The following CST3 variants were observed in gnomAD, a reference collection of about 807,000 sequenced individuals.
CST3 encodes the protein cystatin C.
A neutral mutation model predicts 9.0 loss-of-function variants in CST3; 14 were observed. That is an observed-to-expected ratio of 1.56 (90% CI 1.03 to 2.44). The LOEUF (loss-of-function observed/expected upper bound fraction) is 2.44. Among genes scored for constraint, CST3 ranks in the 30% most tolerant of loss-of-function variants. The pLI, the probability that CST3 is intolerant of heterozygous loss-of-function variation, is 0.00. For synonymous variants in CST3, 96 were observed against 90.2 expected (o/e 1.06, Z -0.37); for missense variants, 237 against 204.3 (o/e 1.16, Z -0.98).
chr20:23,636,753 C>G (rs1316020495), intron 1 of CST3, among the ~76,000 whole-genome samples: 1 of 152,154 alleles, frequency 6.6e-6, no homozygotes, highest in Non-Finnish European at 1.5e-5. Flanking sequence ...TGGCACAGAC[C>G]CAGCTGCTGC....
chr20:23,634,836 C>T (rs569843253), intron 2 of CST3, among the ~76,000 whole-genome samples: 4 of 152,254 alleles, frequency 2.6e-5, no homozygotes, highest in East Asian at 1.9e-4. Context: ...TTCACCCATA[C>T]GGATCTATGC....
In CST3 at chr20:23,637,659, G is replaced by C; in HGVS notation, c.204C>G (p.Tyr68Ter). The stretch of plus-strand genomic sequence containing the variant: ...GCACCACCTGCAGCGCGCGGCTGTG[G>C]TACATGTCGTTGCTGGCTTTGTTGT... ...GEYNKASNDM[Y>*]HSRALQVVRA... Residue 68 changes from tyrosine to a stop codon, truncating the protein, a stop_gained, in exon 1 of 3, where the codon TAC (tyrosine) becomes TAG (stop). Coordinates refer to ENST00000376925, the MANE Select transcript of CST3 (RefSeq NM_000099.4). LOFTEE classifies it high-confidence loss of function. The C allele has an allele frequency of 6.5e-7, 1 of 1,534,034 alleles. No individual in the cohort carries two copies. The highest frequency in any genetic ancestry group is 8.8e-7 in the Non-Finnish European group (1 of 1,141,108).
chr20:23,629,840 TG>T (rs1278083778), downstream of CST3, among the ~76,000 whole-genome samples: 9 of 151,902 alleles, frequency 5.9e-5, no homozygotes, highest in African/African-American at 2.2e-4. Context: ...TTTGAGGAAG[TG>T]GGGGTTACTG....
intron 1 of CST3, among the ~76,000 whole-genome samples, chr20:23,635,805 G>A (rs371895359): frequency 6.6e-6 from 1 of 152,194 alleles, no homozygotes; most frequent in East Asian, 1.9e-4. Flanking sequence ...TGATGTTTTA[G>A]GCCAATAAAC....
downstream of CST3, chr20:23,633,627 C>T (rs1005533097): frequency 1.7e-4 from 96 of 569,424 alleles, no homozygotes; most frequent in Non-Finnish European, 6.9e-5. Flanking sequence ...CCTGTGTGCA[C>T]ATCCCCAGAC....
At chr20:23,629,578 C>T (rs899824895), downstream of CST3, 8 of 152,212 alleles carry the variant, frequency 5.3e-5, no homozygotes, top group African/African-American at 1.9e-4. Context: ...TTTATAAGCA[C>T]CTTGATGGGT....
Position 23,637,830 on chromosome 20 carries a change from C to G in CST3, c.33G>C (p.Leu11=), listed in dbSNP as rs758298115. 2.2e-5 allele frequency: 32 copies of G among 1,478,494 alleles called. 1 individual carries two copies. In the East Asian group the frequency reaches 8.8e-4, roughly 41 times the overall value. The allele number at this position is 1,478,494 out of a possible 1,614,324, so 91.6% of individuals were successfully genotyped here. The change falls in exon 1 of 3, where the codon CTG becomes CTC. Residue 11 remains leucine (L), a synonymous_variant. Transcript: ENST00000376925. MAGPLRAPLL[L]LAILAVALAV... ...CCAGGGCCACGGCCAGGATGGCCAG[C>G]AGGAGCAGCGGGGCGCGCAGGGGCC...
downstream of CST3, chr20:23,633,637 C>G (rs1185488815): frequency 3.4e-6 from 2 of 580,502 alleles, no homozygotes; most frequent in African/African-American, 3.7e-5. Flanking sequence ...CATCCCCAGA[C>G]AGCCAAGAAC....
downstream of CST3, among the ~76,000 whole-genome samples, chr20:23,631,500 G>C (rs149895391): frequency 6.6e-6 from 1 of 152,180 alleles, no homozygotes; most frequent in Non-Finnish European, 1.5e-5. Flanking sequence ...CGCAGGACAC[G>C]GCTTCTGTTC....
chr20:23,635,478 A>T, intron 1 of CST3, 111 bp from the exon 2 acceptor site: 1 of 922,138 alleles, frequency 1.1e-6, no homozygotes, highest in Non-Finnish European at 1.7e-6. Context: ...CTTCAAGCCT[A>T]CCTTCATGAG....
chr20:23,636,636 G>A (rs1364808942), intron 1 of CST3, among the ~76,000 whole-genome samples: 22 of 152,160 alleles, frequency 1.4e-4, no homozygotes, highest in Admixed American at 1.3e-3. Context: ...ATTCTGGGAG[G>A]AGGATGAGCC....
exon 4 of CST3, chr20:23,627,678 A>G (rs1009551317): frequency 6.6e-6 from 1 of 152,106 alleles, no homozygotes; most frequent in Non-Finnish European, 1.5e-5. Flanking sequence ...AAAGATTCCA[A>G]TTTGTTATTT....
At chr20:23,636,155 G>A (rs1456280010) in intron 1 of CST3, among the ~76,000 whole-genome samples, 2 of 152,186 alleles carry the variant, frequency 1.3e-5, no homozygotes, top group African/African-American at 4.8e-5. Flanking sequence ...CAGTGAGAGA[G>A]AGGTGCAGGC....
downstream of CST3, chr20:23,633,541 G>A (rs751714694): frequency 1.8e-5 from 7 of 394,556 alleles, no homozygotes; most frequent in Non-Finnish European, 2.4e-5. Context: ...CTGTGGCCGC[G>A]TCAGCTCCCA....
chr20:23,627,523 T>C (rs1329097529), exon 4 of CST3: 1 of 152,258 alleles, frequency 6.6e-6, no homozygotes, highest in Non-Finnish European at 1.5e-5. Context: ...TGTAAATATT[T>C]TGGTGAACTT....
intron 1 of CST3, among the ~76,000 whole-genome samples, 191 bp from the exon 2 acceptor site, chr20:23,635,558 C>G (rs1029878748): frequency 1.3e-5 from 2 of 152,234 alleles, no homozygotes; most frequent in African/African-American, 4.8e-5. Context: ...TGCCATGCCC[C>G]AGGCCTCCCC....
Position 23,637,654 on chromosome 20 carries a change from CTG to C in CST3, c.207_208del (p.His69GlnfsTer44), listed in dbSNP as rs1979739877. On this transcript the variant is annotated frameshift_variant, in exon 1 of 3. Transcript: ENST00000376925. LOFTEE classifies it high-confidence loss of function. ...GGCGCGCACCACCTGCAGCGCGCGG[CTG>C]TGGTACATGTCGTTGCTGGCTTTGT... is the stretch of plus-strand genomic sequence containing the variant. 20 of 1,530,518 alleles carry C rather than the reference CTG, an allele frequency of 1.3e-5. No homozygotes were observed. Among genetic ancestry groups the C allele is most frequent in the Non-Finnish European group, 1.7e-5 (19 of 1,139,656 alleles). 94.8% of individuals were successfully genotyped at this position (1,530,518 alleles called of 1,614,324 possible).
At chr20:23,627,475 T>C (rs1201482253) in exon 4 of CST3, 2 of 152,224 alleles carry the variant, frequency 1.3e-5, no homozygotes, top group East Asian at 3.8e-4. Flanking sequence ...TTAATATATT[T>C]TTTTCTGATT....
intron 1 of CST3, among the ~76,000 whole-genome samples, chr20:23,636,471 G>A (rs933955320): frequency 6.6e-6 from 1 of 152,210 alleles, no homozygotes; most frequent in African/African-American, 2.4e-5. Context: ...CACCCCAGCA[G>A]GGACTCAGCT....
Sources: allele counts gnomAD v4.1 joint callset (sites outside exome capture counted in the v4.1 genomes callset), GRCh38; gene constraint gnomAD v4.1.1; transcripts MANE v1.5; gene names NCBI Gene and HGNC (gene_info 2026-07-23, HGNC 2026-07-21).